MED20: variants seen among roughly 807,000 people sequenced by gnomAD.
MED20 encodes mediator complex subunit 20.
In MED20, 19 loss-of-function variants were observed where a neutral mutation model predicts 19.7. That is an observed-to-expected ratio of 0.96 (90% CI 0.67 to 1.42). The LOEUF is 1.42. MED20 is among the 40% of genes most tolerant of loss of function. MED20 has a pLI of 0.00. For missense variants in MED20, 225 were observed against 273.0 expected (o/e 0.82, Z 1.24); for synonymous variants, 105 against 104.8 (o/e 1.00, Z -0.01).
At position 41,907,091 on chromosome 6, in the gene MED20, G is replaced by A. The variant is rs761262986; in HGVS notation, c.620C>T (p.Pro207Leu). ...TCATCACTAACGAATCCCAGCCACC[G>A]GCACCTGCTGCTGCTTGCGGATCTT... ...FNKIRKQQQV[P>L]VAGIR The change falls in exon 4 of 4, where the codon CCG (proline) becomes CTG (leucine). Residue 207 changes from proline to leucine, a missense_variant. Coordinates refer to ENST00000265350, the MANE Select transcript of MED20 (RefSeq NM_004275.5). 2.6e-5 allele frequency: 42 copies of A among 1,613,570 alleles called. No homozygotes were observed. Among genetic ancestry groups the A allele is most frequent in the Admixed American group, 8.3e-5 (5 of 59,964 alleles).
In MED20 at chr6:41,921,024, C is replaced by T; in HGVS notation, c.-6G>A. The T allele has an allele frequency of 6.2e-7, 1 of 1,613,008 alleles. No individual in the cohort carries two copies. The highest frequency in any genetic ancestry group is 1.1e-5 in the South Asian group (1 of 90,972). ...TCCTACCAAGTCACTCCCATGGCGT[C>T]GGGCCAGGAAGGTGGCAGAATCACA... is the stretch of plus-strand genomic sequence containing the variant. On this transcript the variant is annotated 5_prime_UTR_variant, in exon 1 of 4. Coordinates refer to ENST00000265350, the MANE Select transcript of MED20 (RefSeq NM_004275.5).
chr6:41,917,972 G>A, intron 1 of MED20: 2 of 272,496 alleles, frequency 7.3e-6, no homozygotes, highest in Non-Finnish European at 1.6e-5. Context: ...GGAATGAGAG[G>A]CAACAGTATT....
intron 1 of MED20, among the ~76,000 whole-genome samples, chr6:41,918,104 T>C (rs1775362100): frequency 6.6e-6 from 1 of 152,228 alleles, no homozygotes; most frequent in Non-Finnish European, 1.5e-5. Context: ...GGTAACCAAC[T>C]GCCAACCAAC....
rs1208392261 is a variant in MED20 at position 41,907,118 on chromosome 6, T to A, written c.593A>T (p.Asn198Ile). The change falls in exon 4 of 4, where the codon AAC becomes ATC. Residue 198 changes from asparagine to isoleucine, a missense_variant. Physicochemically the swap from Asn to Ile is moderately radical, Grantham distance 149. Transcript: ENST00000265350. ...CACCTGCTGCTGCTTGCGGATCTTG[T>A]TGAAGAGTTCCATGTACTGGACCAT... ...DTMVQYMELF[N>I]KIRKQQQVPV... 2 of 1,613,922 alleles carry A rather than the reference T, an allele frequency of 1.2e-6. No homozygotes were observed. Among genetic ancestry groups the A allele is most frequent in the African/African-American group, 1.3e-5 (1 of 74,886 alleles).
intron 2 of MED20, chr6:41,912,968 G>A (rs1428118968): frequency 6.6e-6 from 1 of 152,060 alleles, no homozygotes; most frequent in Non-Finnish European, 1.5e-5. Context: ...AAGTTAGCCA[G>A]GTATAGTGGC....
chr6:41,915,208 C>T (rs1027403341), intron 2 of MED20, among the ~76,000 whole-genome samples: 7 of 151,608 alleles, frequency 4.6e-5, no homozygotes, highest in Non-Finnish European at 1.0e-4. Flanking sequence ...CCTATGTTGG[C>T]AGATCCCTTG....
At chr6:41,917,393 C>A in intron 1 of MED20, 1 of 175,606 alleles carries the variant, frequency 5.7e-6, no homozygotes, top group Non-Finnish European at 1.2e-5. Flanking sequence ...GGGCGAGACG[C>A]CATCTTAAAA....
chr6:41,907,236 C>T lies in MED20; in HGVS notation c.475G>A (p.Glu159Lys), dbSNP rs763322721. The T allele has an allele frequency of 1.9e-6, 3 of 1,613,832 alleles. No individual in the cohort carries two copies. The highest frequency in any genetic ancestry group is 1.3e-5 in the African/African-American group (1 of 74,856). ...VASDCWSLLL[E>K]FLQSFLGSHT... Reference sequence around the variant, plus strand: ...CTGCCTAGAAAACTCTGTAGGAACTCGAGCAGCAGACTCCAGCAGTCACTA... The same window carrying T: ...CTGCCTAGAAAACTCTGTAGGAACTTGAGCAGCAGACTCCAGCAGTCACTA... Residue 159 changes from glutamate to lysine, a missense_variant, in exon 4 of 4, where the codon GAG becomes AAG. Glu to Lys is a moderately conservative substitution (Grantham distance 56). Transcript: ENST00000265350.
intron 2 of MED20, among the ~76,000 whole-genome samples, chr6:41,912,461 A>C (rs1242805582): frequency 2.0e-5 from 3 of 147,396 alleles, no homozygotes; most frequent in African/African-American, 7.6e-5. Context: ...AGTTCAAACG[A>C]TTCTCCTGCC....
chr6:41,912,965 C>T (rs1775233013), intron 2 of MED20: 1 of 151,952 alleles, frequency 6.6e-6, no homozygotes, highest in Non-Finnish European at 1.5e-5. Context: ...AAAAAGTTAG[C>T]CAGGTATAGT....
chr6:41,920,276 T>TC (rs1775426145), intron 1 of MED20, among the ~76,000 whole-genome samples: 1 of 152,166 alleles, frequency 6.6e-6, no homozygotes, highest in Non-Finnish European at 1.5e-5. Context: ...TACCCTTTTT[T>TC]CCTCTAGACC....
rs1186160548 is a variant in MED20, at chr6:41,921,063, G to C, written c.-45C>G. 1.2e-6 allele frequency: 2 copies of C among 1,607,120 alleles called. No individual in the cohort carries two copies. Among genetic ancestry groups the C allele is most frequent in the Admixed American group, 3.4e-5 (2 of 59,308 alleles). Reference sequence around the variant, plus strand: ...GGCAGAATCACACAGTAGAAACGCAGGGTTCCCTGTCCGCCCACAGAAACT... The same window carrying C: ...GGCAGAATCACACAGTAGAAACGCACGGTTCCCTGTCCGCCCACAGAAACT... On this transcript the variant is annotated 5_prime_UTR_variant, in exon 1 of 4. Transcript: ENST00000265350.
At chr6:41,908,942 G>A (rs776178182) in intron 3 of MED20, 55 of 375,984 alleles carry the variant, frequency 1.5e-4, no homozygotes, top group Non-Finnish European at 1.6e-4. Context: ...CAGCACTTTG[G>A]GGGGCTGAGA....
At chr6:41,916,401 G>A (rs1481937092) in intron 2 of MED20, among the ~76,000 whole-genome samples, 2 of 152,080 alleles carry the variant, frequency 1.3e-5, no homozygotes, top group Non-Finnish European at 2.9e-5. Flanking sequence ...CCCACACAGA[G>A]AAACCCCATA....
chr6:41,907,203 G>A lies in MED20; in HGVS notation c.508C>T (p.Pro170Ser). 1 of 1,614,050 alleles carries A rather than the reference G, an allele frequency of 6.2e-7. No individual in the cohort carries two copies. Among genetic ancestry groups the A allele is most frequent in the Non-Finnish European group, 8.5e-7 (1 of 1,180,020 alleles). ...FLQSFLGSHTPGAPAVFGNRH... is the reference protein window; with the variant it reads ...FLQSFLGSHTSGAPAVFGNRH... The stretch of plus-strand genomic sequence containing the variant: ...TTCCCAAACACTGCGGGAGCCCCTG[G>A]TGTGTGGCTGCCTAGAAAACTCTGT... The change falls in exon 4 of 4, where the codon CCA (proline) becomes TCA (serine). Residue 170 changes from proline to serine, a missense_variant. Coordinates refer to ENST00000265350, the MANE Select transcript of MED20 (RefSeq NM_004275.5).
chr6:41,907,891 A>T (rs1045691071), intron 3 of MED20, among the ~76,000 whole-genome samples: 8 of 152,194 alleles, frequency 5.3e-5, no homozygotes, highest in African/African-American at 1.9e-4. Context: ...AGGAGAAATA[A>T]GTAAAGAAAC....
At position 41,907,021 on chromosome 6, in the gene MED20, C is replaced by A; in HGVS notation, c.*51G>T. 1.3e-6 allele frequency: 2 copies of A among 1,563,386 alleles called. No homozygotes were observed. Among genetic ancestry groups the A allele is most frequent in the Non-Finnish European group, 1.8e-6 (2 of 1,138,892 alleles). Reference sequence around the variant, plus strand: ...AGGGACCTGAAAGTCAGCACCTGCTCCTCCTGTGGAGTACCCCTGGTGACA... The same window carrying A: ...AGGGACCTGAAAGTCAGCACCTGCTACTCCTGTGGAGTACCCCTGGTGACA... On this transcript the variant is annotated 3_prime_UTR_variant, in exon 4 of 4. Transcript: ENST00000265350.
At position 41,921,115 on chromosome 6, in the gene MED20, G is replaced by T; in HGVS notation, c.-97C>A. On this transcript the variant is annotated 5_prime_UTR_variant, in exon 1 of 4. Coordinates refer to ENST00000265350, the MANE Select transcript of MED20 (RefSeq NM_004275.5). ...CTTCAGTTCCCCAACACAACCTTCT[G>T]TCTCAGAAGGGACTCCGGAAATACG... The T allele has an allele frequency of 2.7e-6, 4 of 1,498,780 alleles. No individual in the cohort carries two copies. Among genetic ancestry groups the T allele is most frequent in the Non-Finnish European group, 3.7e-6 (4 of 1,094,616 alleles). 92.8% of individuals were successfully genotyped at this position (1,498,780 alleles called of 1,614,324 possible).
rs574508881 is a variant in MED20, at chr6:41,918,657, C to CA, written c.15-1719dup. Among the ~76,000 whole-genome samples, 611 of 147,874 alleles carry CA rather than the reference C, an allele frequency of 4.1e-3. 5 individuals carry two copies. The highest frequency in any genetic ancestry group is 0.011 in the Middle Eastern group (3 of 272). ...TGAAACCCCGTCTCTACCAAAAATACAAAAAAATGGCCGGGCGCGGTGGCT... is the reference window on the plus strand; with the variant it reads ...TGAAACCCCGTCTCTACCAAAAATACAAAAAAAATGGCCGGGCGCGGTGGCT... On this transcript the variant is annotated intron_variant, in intron 1 of 3. Transcript: ENST00000265350.
Sources: gnomAD v4.1 joint callset for allele counts (sites outside exome capture counted in the v4.1 genomes callset) on GRCh38, gnomAD v4.1.1 for gene constraint, MANE v1.5 for transcripts, NCBI Gene and HGNC (gene_info 2026-07-23, HGNC 2026-07-21) for gene names.